The following MAP3K5 variants were observed in gnomAD, a reference collection of about 807,000 sequenced individuals.
MAP3K5 encodes mitogen-activated protein kinase kinase kinase 5.
A neutral mutation model predicts 158.7 loss-of-function variants in MAP3K5; 56 were observed. That is an observed-to-expected ratio of 0.35 (90% CI 0.28 to 0.44). The LOEUF is 0.44. Ranked by LOEUF, MAP3K5 falls within the 20% of genes least tolerant of loss-of-function variation. MAP3K5 has a pLI of 1.00. For missense variants in MAP3K5, 1,294 were observed against 1,674.8 expected, an observed-to-expected ratio of 0.77 and a Z score of 3.97; for synonymous variants, 579 against 601.7, an observed-to-expected ratio of 0.96 and a Z score of 0.55.
At chr6:136,614,805 C>T (rs1241669612) in intron 15 of MAP3K5, among the ~76,000 whole-genome samples, 1 of 152,160 alleles carries the variant, frequency 6.6e-6, no homozygotes, top group African/African-American at 2.4e-5. Context: ...GCATAATGTA[C>T]ATTCCAGAAC....
intron 1 of MAP3K5, among the ~76,000 whole-genome samples, chr6:136,746,442 A>G (rs757835688): frequency 2.6e-5 from 4 of 152,180 alleles, no homozygotes; most frequent in Non-Finnish European, 5.9e-5. Context: ...GTACTGTTCT[A>G]TGGAAGTATT....
chr6:136,786,006 G>A (rs907780379), intron 1 of MAP3K5, among the ~76,000 whole-genome samples: 3 of 152,164 alleles, frequency 2.0e-5, no homozygotes, highest in Admixed American at 2.0e-4. Context: ...TAACCTGAAT[G>A]AATGAATATA....
intron 7 of MAP3K5, among the ~76,000 whole-genome samples, chr6:136,684,050 A>C (rs1288959637): frequency 6.6e-6 from 1 of 151,988 alleles, no homozygotes; most frequent in Admixed American, 6.6e-5. Flanking sequence ...TGGGCCACAT[A>C]GCGAGATCCC....
chr6:136,600,148 C>T (rs1027199947), intron 21 of MAP3K5, among the ~76,000 whole-genome samples: 1 of 151,900 alleles, frequency 6.6e-6, no homozygotes, highest in African/African-American at 2.4e-5. Flanking sequence ...TTTGATCAAC[C>T]ACACATCCAA....
intron 21 of MAP3K5, among the ~76,000 whole-genome samples, chr6:136,594,930 T>C (rs1775557129): frequency 6.6e-6 from 1 of 152,162 alleles, no homozygotes; most frequent in Non-Finnish European, 1.5e-5. Context: ...ATGAGAGGAC[T>C]TGTGTCACGC....
At chr6:136,637,279 T>C in intron 14 of MAP3K5, 46 bp downstream of exon 14, 1 of 1,458,642 alleles carries the variant, frequency 6.9e-7, no homozygotes, top group South Asian at 1.1e-5. Flanking sequence ...TCAAATAGTT[T>C]GTTTTAAAAT....
At chr6:136,557,950 G>C in intron 29 of MAP3K5, 132 bp from the exon 30 acceptor site, 2 of 654,746 alleles carry the variant, frequency 3.1e-6, no homozygotes, top group Non-Finnish European at 5.5e-6. Context: ...CAGTTATTAT[G>C]TATTCTTTTT....
chr6:136,726,627 A>C (rs1218551148), intron 1 of MAP3K5, among the ~76,000 whole-genome samples: 7 of 152,030 alleles, frequency 4.6e-5, no homozygotes, highest in African/African-American at 1.7e-4. Flanking sequence ...CTCTCCACTT[A>C]CTTAGGCCGT....
At position 136,622,980 on chromosome 6, in the gene MAP3K5, T is replaced by C. The variant is rs1258738778; in HGVS notation, c.2018A>G (p.Tyr673Cys). The stretch of plus-strand genomic sequence containing the variant: ...ACCATTTTCATCATATTCATAGTCA[T>C]ACTACAAAAGGAAAAACGGGGAGAA... ...EGDCESDLLEYDYEYDENGDR... is the reference protein window; with the variant it reads ...EGDCESDLLECDYEYDENGDR... Residue 673 changes from tyrosine to cysteine, a missense_variant and splice_region_variant, in exon 15 of 30, where the codon TAT becomes TGT. This residue lies in a region of MAP3K5 where 690 missense variants were observed against 870.5 expected (regional missense o/e 0.79). Coordinates refer to ENST00000359015, the MANE Select transcript of MAP3K5 (RefSeq NM_005923.4). 6 of 1,613,078 alleles carry C rather than the reference T, an allele frequency of 3.7e-6. No individual in the cohort carries two copies. The highest frequency in any genetic ancestry group is 1.7e-4 in the Middle Eastern group (1 of 6,060).
intron 1 of MAP3K5, among the ~76,000 whole-genome samples, chr6:136,786,283 G>A (rs1582703573): frequency 6.6e-6 from 1 of 151,090 alleles, no homozygotes; most frequent in African/African-American, 2.4e-5. Context: ...GGAGGCTGAG[G>A]CAGGAGAATC....
At chr6:136,675,395 G>A (rs941145578) in intron 7 of MAP3K5, among the ~76,000 whole-genome samples, 4 of 151,996 alleles carry the variant, frequency 2.6e-5, no homozygotes, top group African/African-American at 4.8e-5. Context: ...ATTCTGGGCC[G>A]TAAAGTACTT....
chr6:136,731,545 C>G (rs1364942610), intron 1 of MAP3K5, among the ~76,000 whole-genome samples: 1 of 152,160 alleles, frequency 6.6e-6, no homozygotes, highest in Non-Finnish European at 1.5e-5. Flanking sequence ...CCCAGATGAT[C>G]CAGGATTATC....
intron 11 of MAP3K5, 96 bp from the exon 12 acceptor site, chr6:136,642,665 GC>G: frequency 1.2e-6 from 1 of 814,060 alleles, no homozygotes; most frequent in South Asian, 1.6e-5. Flanking sequence ...GATATACACA[GC>G]CATTTTTCCT....
At chr6:136,675,268 TG>T (rs750734517) in intron 7 of MAP3K5, among the ~76,000 whole-genome samples, 137 of 152,134 alleles carry the variant, frequency 9.0e-4, no homozygotes, top group Non-Finnish European at 1.6e-3. Context: ...ACTTTCTCAG[TG>T]ATGATCAAAC....
At chr6:136,737,033 G>A (rs376721630) in intron 1 of MAP3K5, among the ~76,000 whole-genome samples, 8 of 112,010 alleles carry the variant, frequency 7.1e-5, no homozygotes, top group South Asian at 2.5e-4. Context: ...ATATATATGT[G>A]TGTGTATATA....
intron 7 of MAP3K5, among the ~76,000 whole-genome samples, chr6:136,692,815 G>A (rs1470388313): frequency 1.3e-5 from 2 of 152,080 alleles, no homozygotes; most frequent in Non-Finnish European, 2.9e-5. Flanking sequence ...AATTAGCCAG[G>A]CGTGGTGGCA....
chr6:136,584,239 G>A lies in MAP3K5; in HGVS notation c.3226-499C>T, dbSNP rs78265342. ...AGGATCTCAACCTGAAAGTCTGCCC[G>A]GAAAGAGAAGCTATAAAATAGGGTC... On this transcript the variant is annotated intron_variant, in intron 23 of 29. Coordinates refer to ENST00000359015, the MANE Select transcript of MAP3K5 (RefSeq NM_005923.4). 7.4e-3 allele frequency among the ~76,000 whole-genome samples: 1,126 copies of A among 152,232 alleles called. 9 individuals are homozygous for A. The highest frequency in any genetic ancestry group is 0.024 in the African/African-American group (1,004 of 41,524).
chr6:136,659,937 A>G (rs1376922252), intron 8 of MAP3K5, among the ~76,000 whole-genome samples: 1 of 152,234 alleles, frequency 6.6e-6, no homozygotes, highest in African/African-American at 2.4e-5. Flanking sequence ...AGAAAGGTAC[A>G]CAGAAGAAAG....
chr6:136,714,078 C>T (rs76878485), intron 2 of MAP3K5, among the ~76,000 whole-genome samples: 6,343 of 152,212 alleles, frequency 0.042, 159 homozygotes, highest in African/African-American at 0.073. Context: ...CCATGCACAA[C>T]TCAAGCTAAA....
Sources: gnomAD v4.1 joint callset for allele counts (sites outside exome capture counted in the v4.1 genomes callset) on GRCh38, gnomAD v4.1.1 for gene constraint, gnomAD v4.1.1 regional missense constraint, MANE v1.5 for transcripts, NCBI Gene and HGNC (gene_info 2026-07-23, HGNC 2026-07-21) for gene names.